Variants in APOL3 observed in about 807,000 individuals in gnomAD.
The protein encoded by APOL3 is apolipoprotein L3, also known as TNF-inducible protein CG12-1.
In APOL3, 14 loss-of-function variants were observed where a neutral mutation model predicts 11.6. That is an observed-to-expected ratio of 1.21 (90% CI 0.80 to 1.89). The LOEUF (loss-of-function observed/expected upper bound fraction) is 1.89. APOL3 is among the 40% of genes most tolerant of loss of function. The probability of loss-of-function intolerance (pLI) is 0.00; values close to 1 mark genes in which losing one functional copy is unlikely to be tolerated. For synonymous variants in APOL3, 192 were observed against 190.6 expected, an observed-to-expected ratio of 1.01 and a Z score of -0.06; for missense variants, 483 against 492.1, an observed-to-expected ratio of 0.98 and a Z score of 0.17.
chr22:36,153,552 C>T (rs1709761837), intron 1 of APOL3: 1 of 374,912 alleles, frequency 2.7e-6, no homozygotes, highest in Non-Finnish European at 5.4e-6. Context: ...ATACGGGCTT[C>T]TTTTCCACCC....
chr22:36,146,998 G>A (rs1021461897), intron 1 of APOL3, among the ~76,000 whole-genome samples: 1 of 152,090 alleles, frequency 6.6e-6, no homozygotes, highest in African/African-American at 2.4e-5. Flanking sequence ...TTTCACAGAA[G>A]GAGAAATTGA....
chr22:36,149,461 T>C (rs921658690), intron 1 of APOL3: 159 of 1,176,358 alleles, frequency 1.4e-4, no homozygotes, highest in Non-Finnish European at 1.7e-4. Context: ...GAAATAGAGA[T>C]GGGAAGGAAC....
exon 3 of APOL3, chr22:36,141,633 C>T (rs1386484037): frequency 1.9e-6 from 3 of 1,614,182 alleles, no homozygotes; most frequent in Non-Finnish European, 2.5e-6. Context: ...TCGGTCAATG[C>T]TGGTTGCAGT....
At chr22:36,158,409 G>A (rs1044224445) in intron 1 of APOL3, among the ~76,000 whole-genome samples, 26 of 152,206 alleles carry the variant, frequency 1.7e-4, no homozygotes, top group African/African-American at 5.6e-4. Flanking sequence ...GGGCAAGTGT[G>A]CAGGGACAGG....
At chr22:36,141,341 A>T in exon 3 of APOL3, 1 of 1,614,126 alleles carries the variant, frequency 6.2e-7, no homozygotes, top group Non-Finnish European at 8.5e-7. Flanking sequence ...ACTCGTATAC[A>T]AGGTTGACCA....
At chr22:36,165,434 C>G (rs2013835049), upstream of APOL3, 1 of 152,084 alleles carries the variant, frequency 6.6e-6, no homozygotes, top group Non-Finnish European at 1.5e-5. Context: ...TGCAAACCAA[C>G]TTAAAAAAAT....
intron 1 of APOL3, among the ~76,000 whole-genome samples, chr22:36,159,885 T>C (rs1222766259): frequency 6.6e-6 from 1 of 151,978 alleles, no homozygotes; most frequent in African/African-American, 2.4e-5. Context: ...TCTCTCTTTT[T>C]TTTTTTTGAG....
chr22:36,141,707 C>T (rs1228877236), exon 3 of APOL3: 1 of 1,614,068 alleles, frequency 6.2e-7, no homozygotes, highest in Admixed American at 1.7e-5. Flanking sequence ...TGGTGGTGAT[C>T]CCAGTCACAG....
At chr22:36,160,551 T>A in intron 1 of APOL3, 118 bp downstream of exon 1, 4 of 1,061,552 alleles carry the variant, frequency 3.8e-6, no homozygotes, top group Non-Finnish European at 5.6e-6. Context: ...GACCGAGATG[T>A]GACCTCAGTC....
At chr22:36,145,958 A>C (rs2060187397) in intron 1 of APOL3, among the ~76,000 whole-genome samples, 1 of 107,408 alleles carries the variant, frequency 9.3e-6, no homozygotes, top group African/African-American at 3.2e-5. Flanking sequence ...CTTGCCTTCC[A>C]GCCCTCTCTC....
chr22:36,157,197 T>C (rs1358670333), intron 1 of APOL3, among the ~76,000 whole-genome samples: 3 of 152,166 alleles, frequency 2.0e-5, no homozygotes, highest in Non-Finnish European at 4.4e-5. Flanking sequence ...AGCCATGGTT[T>C]CCAAGCCTCC....
chr22:36,154,537 A>G (rs2012417716), intron 1 of APOL3: 1 of 452,302 alleles, frequency 2.2e-6, no homozygotes. Flanking sequence ...CTATTTATTT[A>G]TGTTCCTGTT....
At chr22:36,141,760 G>C in exon 3 of APOL3, 1 of 1,614,174 alleles carries the variant, frequency 6.2e-7, no homozygotes, top group Non-Finnish European at 8.5e-7. Flanking sequence ...GTAAGGGCCA[G>C]ACTCGTCCCT....
intron 2 of APOL3, among the ~76,000 whole-genome samples, chr22:36,142,515 G>T (rs1265413644): frequency 6.6e-6 from 1 of 152,188 alleles, no homozygotes; most frequent in Non-Finnish European, 1.5e-5. Flanking sequence ...CCTGGGAAGG[G>T]ATCTCTGGGG....
chr22:36,165,745 C>G (rs2013844052), upstream of APOL3: 1 of 152,158 alleles, frequency 6.6e-6, no homozygotes, highest in African/African-American at 2.4e-5. Context: ...AACCTACCAG[C>G]TACAAGAGAG....
upstream of APOL3, among the ~76,000 whole-genome samples, chr22:36,162,690 G>A (rs1238644461): frequency 6.6e-6 from 1 of 152,154 alleles, no homozygotes; most frequent in Non-Finnish European, 1.5e-5. Flanking sequence ...GCATTTTGGA[G>A]TTAGCCTGCA....
At chr22:36,165,896 G>A (rs117906634), upstream of APOL3, 2 of 152,318 alleles carry the variant, frequency 1.3e-5, no homozygotes, top group East Asian at 3.9e-4. Context: ...TTAGCAGCTA[G>A]GAGTGGGTAA....
intron 2 of APOL3, among the ~76,000 whole-genome samples, chr22:36,145,033 A>G (rs935630236): frequency 3.3e-5 from 5 of 150,378 alleles, no homozygotes; most frequent in African/African-American, 1.2e-4. Context: ...AAAGAAAAAA[A>G]AAGAAAAAAA....
upstream of APOL3, among the ~76,000 whole-genome samples, chr22:36,163,765 G>C (rs1603476158): frequency 6.6e-6 from 1 of 152,340 alleles, no homozygotes; most frequent in East Asian, 1.9e-4. Context: ...TCAGTGCTGT[G>C]TATTCTGGAT....
Sources: gnomAD v4.1 joint callset for allele counts (sites outside exome capture counted in the v4.1 genomes callset) on GRCh38, gnomAD v4.1.1 for gene constraint, MANE v1.5 for transcripts, NCBI Gene and HGNC (gene_info 2026-07-23, HGNC 2026-07-21) for gene names.